The following ZNF236 variants were observed in gnomAD, a reference collection of about 807,000 sequenced individuals.
ZNF236 encodes the protein zinc finger protein 236.
In ZNF236, 50 loss-of-function variants were observed where a neutral mutation model predicts 191.2. The ratio of observed to expected loss-of-function variants is 0.26; its 90% CI spans 0.21 to 0.33. ZNF236 has a LOEUF of 0.33. ZNF236 is among the 10% of genes least tolerant of loss of function. The pLI, the probability that ZNF236 is intolerant of heterozygous loss-of-function variation, is 1.00. For synonymous variants in ZNF236, 907 were observed against 928.8 expected, an observed-to-expected ratio of 0.98 and a Z score of 0.43; for missense variants, 1,754 against 2,374.5, an observed-to-expected ratio of 0.74 and a Z score of 5.43.
In ZNF236 at chr18:76,852,948, C is replaced by T. The variant is rs557782903; in HGVS notation, c.363+1009C>T. Among the ~76,000 whole-genome samples, 4 of 152,318 alleles carry T rather than the reference C, an allele frequency of 2.6e-5. No individual in the cohort carries two copies. In the South Asian group the frequency reaches 8.3e-4, roughly 32 times the overall value. ...AGGCAGAGGCAATGAACTGCAACTCCCTGTCAGCCACACGCTTTTGGCTTG... is the reference window on the plus strand; with the variant it reads ...AGGCAGAGGCAATGAACTGCAACTCTCTGTCAGCCACACGCTTTTGGCTTG... On this transcript the variant is annotated intron_variant, in intron 3 of 30. Transcript: ENST00000320610.
At chr18:76,937,487 G>A (rs1568238894) in intron 26 of ZNF236, 144 bp downstream of exon 26, 13 of 747,238 alleles carry the variant, frequency 1.7e-5, no homozygotes, top group Non-Finnish European at 2.2e-5. Context: ...TAAAAAATAC[G>A]GTAAATATAA....
intron 25 of ZNF236, among the ~76,000 whole-genome samples, chr18:76,934,741 C>T (rs975654340): frequency 1.9e-4 from 29 of 152,230 alleles, no homozygotes; most frequent in African/African-American, 6.8e-4. Flanking sequence ...TGCTTGGGAA[C>T]GAGGGGCTAC....
At chr18:76,944,219 C>T (rs557435717) in intron 26 of ZNF236, among the ~76,000 whole-genome samples, 2 of 152,276 alleles carry the variant, frequency 1.3e-5, no homozygotes, top group South Asian at 2.1e-4. Context: ...ACAGCTGTTG[C>T]GCCATTCCTC....
At chr18:76,829,669 T>A (rs1358520505) in intron 1 of ZNF236, among the ~76,000 whole-genome samples, 1 of 152,154 alleles carries the variant, frequency 6.6e-6, no homozygotes, top group East Asian at 1.9e-4. Flanking sequence ...GTATATTTAT[T>A]TGAAACCTCT....
chr18:76,832,570 C>CTG (rs1330253666), intron 1 of ZNF236, among the ~76,000 whole-genome samples: 1 of 150,740 alleles, frequency 6.6e-6, no homozygotes, highest in African/African-American at 2.4e-5. Context: ...CTCTTTTCCA[C>CTG]TGTTTTTTTT....
intron 11 of ZNF236, among the ~76,000 whole-genome samples, chr18:76,900,405 TA>T (rs1389324469): frequency 1.3e-5 from 2 of 152,174 alleles, no homozygotes; most frequent in Non-Finnish European, 2.9e-5. Context: ...AGCACACAAA[TA>T]AAAAGAGTTA....
intron 1 of ZNF236, among the ~76,000 whole-genome samples, chr18:76,824,973 C>T (rs1463659156): frequency 1.3e-5 from 2 of 152,226 alleles, no homozygotes; most frequent in African/African-American, 4.8e-5. Flanking sequence ...AATCAGATGG[C>T]TACACCCTGA....
chr18:76,833,913 A>G (rs1975241492), intron 1 of ZNF236, among the ~76,000 whole-genome samples: 1 of 151,630 alleles, frequency 6.6e-6, no homozygotes, highest in African/African-American at 2.4e-5. Flanking sequence ...CTTGTCTTGA[A>G]CTCCTAGGTT....
chr18:76,947,813 G>C (rs1968301541), intron 27 of ZNF236, among the ~76,000 whole-genome samples, 161 bp downstream of exon 27: 1 of 152,190 alleles, frequency 6.6e-6, no homozygotes, highest in Admixed American at 6.5e-5. Flanking sequence ...CATAGGCCCT[G>C]CGGGGGCGTG....
At chr18:76,856,960 A>G (rs1976056706) in intron 3 of ZNF236, among the ~76,000 whole-genome samples, 1 of 152,230 alleles carries the variant, frequency 6.6e-6, no homozygotes, top group African/African-American at 2.4e-5. Flanking sequence ...ACAGATCCTC[A>G]TACATGCAGA....
intron 30 of ZNF236, among the ~76,000 whole-genome samples, chr18:76,964,049 G>A (rs562474577): frequency 5.9e-5 from 9 of 152,104 alleles, no homozygotes; most frequent in Non-Finnish European, 1.2e-4. Flanking sequence ...TTGTTTGTTT[G>A]TTTCAATTTC....
intron 3 of ZNF236, among the ~76,000 whole-genome samples, chr18:76,856,330 C>T (rs1237480588): frequency 6.6e-6 from 1 of 152,120 alleles, no homozygotes; most frequent in Non-Finnish European, 1.5e-5. Context: ...TTGTAGGCAC[C>T]TGCCACCACG....
At chr18:76,861,535 T>C (rs1036296572) in intron 3 of ZNF236, among the ~76,000 whole-genome samples, 1 of 152,212 alleles carries the variant, frequency 6.6e-6, no homozygotes. Flanking sequence ...AGAATCAGTA[T>C]TGGAGCACAA....
At chr18:76,956,459 T>C (rs568905655) in intron 28 of ZNF236, among the ~76,000 whole-genome samples, 23 of 152,070 alleles carry the variant, frequency 1.5e-4, no homozygotes, top group Non-Finnish European at 2.9e-4. Context: ...CTGGCAAAAA[T>C]GTAAAAGTCT....
intron 26 of ZNF236, among the ~76,000 whole-genome samples, chr18:76,943,002 G>A (rs1444488575): frequency 6.7e-6 from 1 of 150,162 alleles, no homozygotes; most frequent in Non-Finnish European, 1.5e-5. Flanking sequence ...GGGCACCTGT[G>A]GTCCCAGCTA....
chr18:76,927,260 C>T lies in ZNF236; in HGVS notation c.4174-17C>T. On this transcript the variant is annotated splice_polypyrimidine_tract_variant and intron_variant, in intron 23 of 30. Coordinates refer to ENST00000320610, the MANE Select transcript of ZNF236 (RefSeq NM_001306089.2). The surrounding 1 kb of genome is among the most constrained non-coding windows in gnomAD (Gnocchi z 5.4). The stretch of plus-strand genomic sequence containing the variant: ...AAGCATGAAGTTTTCATTACAAGTA[C>T]CTGTGCTGCTTTTCAGATTGATCCA... The T allele has an allele frequency of 6.2e-7, 1 of 1,613,700 alleles. No individual in the cohort carries two copies. The highest frequency in any genetic ancestry group is 8.5e-7 in the Non-Finnish European group (1 of 1,179,672).
Position 76,940,489 on chromosome 18 carries a change from T to C in ZNF236, c.4782+3146T>C, listed in dbSNP as rs140246644. Among the ~76,000 whole-genome samples, 32 of 152,346 alleles carry C rather than the reference T, an allele frequency of 2.1e-4. No homozygotes were observed. The East Asian group carries it at 5.0e-3, about 24-fold the overall frequency. On this transcript the variant is annotated intron_variant, in intron 26 of 30. Transcript: ENST00000320610. ...GTTTCTTATTGTAGACTTTTAACTATCATAATTAAAGACATAGTAAAGAAG... is the reference window on the plus strand; with the variant it reads ...GTTTCTTATTGTAGACTTTTAACTACCATAATTAAAGACATAGTAAAGAAG...
intron 27 of ZNF236, among the ~76,000 whole-genome samples, chr18:76,950,616 T>C (rs2122930106): frequency 6.6e-6 from 1 of 152,320 alleles, no homozygotes; most frequent in East Asian, 1.9e-4. Context: ...CTGTAGTTAC[T>C]TCTTCTGCTG....
At chr18:76,905,557 A>G in intron 13 of ZNF236, 142 bp downstream of exon 13, 1 of 77,096 alleles carries the variant, frequency 1.3e-5, no homozygotes, top group Non-Finnish European at 2.0e-5. Context: ...AAAAAAAAAA[A>G]AAAAAAAAAA....
Sources: allele counts gnomAD v4.1 joint callset (sites outside exome capture counted in the v4.1 genomes callset), GRCh38; gene constraint gnomAD v4.1.1; non-coding constraint Gnocchi (gnomAD v3.1); transcripts MANE v1.5; gene names NCBI Gene and HGNC (gene_info 2026-07-23, HGNC 2026-07-21).